Variants in FRMD4A observed in about 807,000 individuals in gnomAD.
FRMD4A encodes FERM domain containing 4A, also known as FERM domain-containing protein 4A.
In FRMD4A, 29 loss-of-function variants were observed where a neutral mutation model predicts 129.1. The observed-to-expected ratio is 0.22, with a 90% CI of 0.17 to 0.31. FRMD4A has a LOEUF of 0.31. FRMD4A is among the 10% of genes least tolerant of loss of function. The pLI, the probability that FRMD4A is intolerant of heterozygous loss-of-function variation, is 1.00. For synonymous variants in FRMD4A, 634 were observed against 571.6 expected (o/e 1.11, Z -1.56); for missense variants, 1,272 against 1,375.8 (o/e 0.92, Z 1.19).
intron 3 of FRMD4A, among the ~76,000 whole-genome samples, chr10:13,818,252 A>AC (rs34152266): frequency 0.88 from 133,646 of 152,004 alleles, 59,209 homozygotes; most frequent in Non-Finnish European, 0.94. Context: ...GCAGCCTCCA[A>AC]TCCTGGGATC....
intron 2 of FRMD4A, among the ~76,000 whole-genome samples, chr10:14,266,835 T>A (rs1156657342): frequency 6.6e-6 from 1 of 152,174 alleles, no homozygotes; most frequent in Non-Finnish European, 1.5e-5. Context: ...CTAGGAATTT[T>A]AGGGTGACTA....
At chr10:14,144,065 G>A (rs1839965530) in intron 2 of FRMD4A, among the ~76,000 whole-genome samples, 1 of 152,172 alleles carries the variant, frequency 6.6e-6, no homozygotes, top group South Asian at 2.1e-4. Flanking sequence ...AAACCAAGGA[G>A]ACGCTAACAT....
At chr10:13,750,093 A>AAAGAAATG (rs1554880578) in intron 8 of FRMD4A, among the ~76,000 whole-genome samples, 119 of 80,564 alleles carry the variant, frequency 1.5e-3, no homozygotes, top group African/African-American at 4.8e-3. Flanking sequence ...AGAAAGAAAG[A>AAAGAAATG]AAGAAAGAAA....
intron 2 of FRMD4A, among the ~76,000 whole-genome samples, chr10:14,153,591 G>A (rs1248842558): frequency 1.3e-5 from 2 of 152,104 alleles, no homozygotes; most frequent in African/African-American, 4.8e-5. Context: ...GTCATATACA[G>A]ACGGTCACTC....
chr10:13,794,391 C>A (rs1250135631), intron 5 of FRMD4A, among the ~76,000 whole-genome samples: 139 of 102,902 alleles, frequency 1.4e-3, no homozygotes, highest in South Asian at 2.6e-3. Flanking sequence ...GAATCCGTCT[C>A]AAAAAAAAAA....
At chr10:14,095,877 A>T (rs1034326678) in intron 2 of FRMD4A, among the ~76,000 whole-genome samples, 1 of 152,222 alleles carries the variant, frequency 6.6e-6, no homozygotes, top group Non-Finnish European at 1.5e-5. Flanking sequence ...TGGCCAGAGC[A>T]CTCACTGTCC....
chr10:14,125,805 A>G (rs1395589324), intron 2 of FRMD4A, among the ~76,000 whole-genome samples: 1 of 152,110 alleles, frequency 6.6e-6, no homozygotes, highest in East Asian at 1.9e-4. Flanking sequence ...CCAGGCTGAT[A>G]AGGAGAAAGT....
intron 2 of FRMD4A, among the ~76,000 whole-genome samples, chr10:14,086,534 T>C (rs1201029823): frequency 1.3e-5 from 2 of 152,188 alleles, no homozygotes; most frequent in Non-Finnish European, 2.9e-5. Flanking sequence ...TCAAGTTTAA[T>C]TAAAAAGTAT....
chr10:13,981,355 G>A (rs1445104817), intron 2 of FRMD4A, among the ~76,000 whole-genome samples: 1 of 152,140 alleles, frequency 6.6e-6, no homozygotes, highest in East Asian at 1.9e-4. Flanking sequence ...ATAATGAATC[G>A]AGAGTTTAGG....
At chr10:13,727,346 C>T (rs750003175) in intron 12 of FRMD4A, among the ~76,000 whole-genome samples, 5 of 152,168 alleles carry the variant, frequency 3.3e-5, no homozygotes, top group South Asian at 2.1e-4. Flanking sequence ...CGCCCTCTCC[C>T]GGAATCGTCT....
chr10:14,089,773 G>T (rs564076677), intron 2 of FRMD4A, among the ~76,000 whole-genome samples: 12 of 152,312 alleles, frequency 7.9e-5, no homozygotes, highest in African/African-American at 2.6e-4. Context: ...TTATCAGATG[G>T]GACTGGTCCA....
chr10:14,112,950 G>A (rs186287389), intron 2 of FRMD4A, among the ~76,000 whole-genome samples: 14 of 152,096 alleles, frequency 9.2e-5, no homozygotes, highest in East Asian at 5.8e-4. Context: ...ATAATGGCTC[G>A]GTGTAAGTGT....
chr10:13,967,593 C>T (rs188946500), intron 2 of FRMD4A, among the ~76,000 whole-genome samples: 3 of 152,194 alleles, frequency 2.0e-5, no homozygotes, highest in Admixed American at 6.5e-5. Flanking sequence ...TTGGTTGCCT[C>T]GGATGTGCCA....
chr10:14,296,515 C>G (rs913444870), intron 2 of FRMD4A, among the ~76,000 whole-genome samples: 9 of 152,182 alleles, frequency 5.9e-5, no homozygotes, highest in African/African-American at 2.2e-4. Flanking sequence ...TGTCAGCTGG[C>G]TCCATCTCCC....
intron 2 of FRMD4A, among the ~76,000 whole-genome samples, chr10:13,994,669 C>A (rs560585706): frequency 1.3e-5 from 2 of 152,310 alleles, no homozygotes; most frequent in East Asian, 3.9e-4. Context: ...TATTTCATAT[C>A]TCTCACTCTG....
chr10:13,826,412 T>G (rs577505664), intron 3 of FRMD4A, among the ~76,000 whole-genome samples: 71 of 152,206 alleles, frequency 4.7e-4, no homozygotes, highest in Non-Finnish European at 8.5e-4. Context: ...TCCCAGTGTC[T>G]GCTCAGAAAT....
At chr10:14,083,604 A>G (rs1026403352) in intron 2 of FRMD4A, 5 of 152,232 alleles carry the variant, frequency 3.3e-5, no homozygotes, top group African/African-American at 4.8e-5. Flanking sequence ...ATTCACACCT[A>G]AGGGCAAGCT....
intron 2 of FRMD4A, among the ~76,000 whole-genome samples, chr10:13,878,285 A>G (rs1276555218): frequency 1.3e-5 from 2 of 151,460 alleles, no homozygotes; most frequent in East Asian, 3.9e-4. Context: ...CCATGAAAGA[A>G]GGAAGGAGAG....
chr10:13,684,976 T>A, intron 15 of FRMD4A: 1 of 983,858 alleles, frequency 1.0e-6, no homozygotes. Flanking sequence ...AGGAAAAGGT[T>A]AGAATTCTTC....
Sources: allele counts gnomAD v4.1 joint callset (sites outside exome capture counted in the v4.1 genomes callset), GRCh38; gene constraint gnomAD v4.1.1; transcripts MANE v1.5; gene names NCBI Gene and HGNC (gene_info 2026-07-23, HGNC 2026-07-21).